The following UNKL variants were observed in gnomAD, a reference collection of about 807,000 sequenced individuals.
UNKL encodes the protein putative E3 ubiquitin-protein ligase UNKL.
A neutral mutation model predicts 78.0 loss-of-function variants in UNKL; 60 were observed. The ratio of observed to expected loss-of-function variants is 0.77; its 90% CI spans 0.63 to 0.95. UNKL has a LOEUF of 0.95. Ranked by LOEUF, UNKL falls within the 40% of genes least tolerant of loss-of-function variation. The pLI is 0.00. For synonymous variants in UNKL, 608 were observed against 474.8 expected (o/e 1.28, Z -3.65); for missense variants, 1,159 against 1,045.7 (o/e 1.11, Z -1.49).
intron 2 of UNKL, chr16:1,406,125 C>T (rs763852752): frequency 2.9e-5 from 13 of 448,828 alleles, no homozygotes; most frequent in Middle Eastern, 3.4e-4. Flanking sequence ...AGCTTAAGGA[C>T]GCAGGCATAG....
At chr16:1,391,427 G>A (rs1449962781) in intron 8 of UNKL, among the ~76,000 whole-genome samples, 1 of 151,766 alleles carries the variant, frequency 6.6e-6, no homozygotes, top group African/African-American at 2.4e-5. Context: ...CTCCCAAGAA[G>A]CTGTGAGCAC....
At chr16:1,375,861 A>G (rs1297224355) in intron 10 of UNKL, among the ~76,000 whole-genome samples, 1 of 152,180 alleles carries the variant, frequency 6.6e-6, no homozygotes, top group African/African-American at 2.4e-5. Flanking sequence ...CCTGGCCTGC[A>G]GGGTGGGCCA....
At position 1,365,173 on chromosome 16, in the gene UNKL, T is replaced by G. The variant is rs1226065383; in HGVS notation, c.*1067A>C. Reference sequence around the variant, plus strand: ...CACGCCAGGCCAATTTTTGTATTTTTACTAAGACGGGGTTGCACCATGTTG... The same window carrying G: ...CACGCCAGGCCAATTTTTGTATTTTGACTAAGACGGGGTTGCACCATGTTG... On this transcript the variant is annotated 3_prime_UTR_variant, in exon 15 of 15. Coordinates refer to ENST00000389221, the MANE Select transcript of UNKL (RefSeq NM_001372107.1). 2.0e-5 allele frequency: 3 copies of G among 152,244 alleles called. No homozygotes were observed. Among genetic ancestry groups the G allele is most frequent in the Non-Finnish European group, 4.4e-5 (3 of 68,040 alleles). 9.4% of individuals were successfully genotyped at this position (152,244 alleles called of 1,614,324 possible).
chr16:1,386,262 A>G (rs1347194590), intron 9 of UNKL, among the ~76,000 whole-genome samples: 1 of 152,002 alleles, frequency 6.6e-6, no homozygotes, highest in African/African-American at 2.4e-5. Context: ...TACAAAAAAA[A>G]TTAGCCAAGG....
chr16:1,367,895 T>C (rs2035442589), intron 12 of UNKL, 37 bp from the exon 13 acceptor site: 1 of 1,515,714 alleles, frequency 6.6e-7, no homozygotes, highest in Non-Finnish European at 8.9e-7. Flanking sequence ...CCAGCCCTGC[T>C]GTGCTCGCGG....
At chr16:1,411,884 G>C (rs2038055703) in intron 2 of UNKL, 1 of 152,210 alleles carries the variant, frequency 6.6e-6, no homozygotes, top group Non-Finnish European at 1.5e-5. Flanking sequence ...AGTATTTAAA[G>C]TTTCTAGCGT....
In UNKL at chr16:1,399,602, A is replaced by T; in HGVS notation, c.599-93T>A. Reference sequence around the variant, plus strand: ...GGTGGAAGGACCTGGCTGTCCCCCAAATGGAAGGGGCTGCAGGAGGACTTG... The same window carrying T: ...GGTGGAAGGACCTGGCTGTCCCCCATATGGAAGGGGCTGCAGGAGGACTTG... On this transcript the variant is annotated intron_variant, in intron 4 of 14. Transcript: ENST00000389221. This position sits in a 1 kb window ranked among gnomAD's most constrained non-coding sequence, Gnocchi z 5.8. 2 of 1,521,844 alleles carry T rather than the reference A, an allele frequency of 1.3e-6. No homozygotes were observed. The highest frequency in any genetic ancestry group is 8.8e-7 in the Non-Finnish European group (1 of 1,135,742). 94.3% of individuals were successfully genotyped at this position (1,521,844 alleles called of 1,614,324 possible). A position where few individuals can be genotyped will look rare whatever the true frequency, so the allele number is the denominator to read the frequency against.
chr16:1,380,666 G>A (rs1452602106), intron 10 of UNKL, among the ~76,000 whole-genome samples: 2 of 132,358 alleles, frequency 1.5e-5, no homozygotes, highest in Non-Finnish European at 3.1e-5. Context: ...TGAGTAGCTG[G>A]TTCAGGATTT....
At chr16:1,390,733 G>C (rs1207866053) in intron 8 of UNKL, 39 bp from the exon 9 acceptor site, 2 of 1,533,926 alleles carry the variant, frequency 1.3e-6, no homozygotes, top group Admixed American at 3.9e-5. Context: ...AAAAAGCAGG[G>C]AGGAAATGTA....
intron 9 of UNKL, among the ~76,000 whole-genome samples, chr16:1,388,500 C>A (rs984776923): frequency 6.6e-6 from 1 of 152,048 alleles, no homozygotes; most frequent in Non-Finnish European, 1.5e-5. Context: ...CCCTGAGTGA[C>A]CCCCCAGACC....
intron 9 of UNKL, among the ~76,000 whole-genome samples, chr16:1,388,525 C>G (rs1443953399): frequency 2.0e-5 from 3 of 152,176 alleles, no homozygotes; most frequent in Non-Finnish European, 4.4e-5. Context: ...GCTGACCCTG[C>G]CCGGGAGCTG....
chr16:1,363,623 G>A lies in UNKL; in HGVS notation c.*2617C>T, dbSNP rs771445582. 1.0e-4 allele frequency: 20 copies of A among 197,478 alleles called. No homozygotes were observed. In the East Asian group the frequency reaches 2.2e-3, roughly 22 times the overall value. 12.2% of individuals were successfully genotyped at this position (197,478 alleles called of 1,614,324 possible). A position where few individuals can be genotyped will look rare whatever the true frequency, so the allele number is the denominator to read the frequency against. ...GCCACAGGGGGGAGCTGCTGGGCGC[G>A]CCTCCACCTCAGCCTCCACGGGGCA... On this transcript the variant is annotated 3_prime_UTR_variant, in exon 15 of 15. Transcript: ENST00000389221.
rs1164345739 is a variant in UNKL at position 1,408,270 on chromosome 16, CCA to C, written c.288-4928_288-4927del. ...GCCCACATGGGAGCTGCCCCCCCCC[CCA>C]ACGACCAGGACGGTTCCCACGGGGG... On this transcript the variant is annotated intron_variant, in intron 2 of 14. Coordinates refer to ENST00000389221, the MANE Select transcript of UNKL (RefSeq NM_001372107.1). Among the ~76,000 whole-genome samples the C allele has an allele frequency of 6.6e-5, 10 of 151,408 alleles. No individual in the cohort carries two copies. In the East Asian group the frequency reaches 7.7e-4, roughly 12 times the overall value.
At chr16:1,369,941 G>A (rs1183183862) in intron 12 of UNKL, 189 bp downstream of exon 12, 1 of 1,548,482 alleles carries the variant, frequency 6.5e-7, no homozygotes, top group African/African-American at 1.4e-5. Flanking sequence ...TACCATTGCA[G>A]TCCAACCTGG....
chr16:1,368,626 A>C (rs933373792), intron 12 of UNKL, among the ~76,000 whole-genome samples: 6 of 148,718 alleles, frequency 4.0e-5, no homozygotes, highest in Middle Eastern at 3.3e-3. Context: ...AAAAAAAAAA[A>C]AAAAAAAAAC....
intron 2 of UNKL, among the ~76,000 whole-genome samples, chr16:1,407,786 G>C (rs73490031): frequency 0.038 from 5,821 of 152,164 alleles, 342 homozygotes; most frequent in African/African-American, 0.13. Flanking sequence ...TTCTGAGAAC[G>C]AGACCCAGGG....
chr16:1,366,383 G>A lies in UNKL; in HGVS notation c.2059C>T (p.Leu687Phe). 1.9e-6 allele frequency: 3 copies of A among 1,592,910 alleles called. No homozygotes were observed. The highest frequency in any genetic ancestry group is 2.6e-6 in the Non-Finnish European group (3 of 1,167,418). Reference protein sequence around the residue: ...LEAVDGVIFQLRAKQCVACRE... With the variant: ...LEAVDGVIFQFRAKQCVACRE... ...CAGGCCACACACTGCTTGGCGCGGA[G>A]CTGGAAGATCACCTGCAGGGCCAGA... Residue 687 changes from leucine (L) to phenylalanine (F), a missense_variant, in exon 15 of 15, where the codon CTC becomes TTC. Physicochemically the swap from Leu to Phe is conservative, Grantham distance 22. Transcript: ENST00000389221.
Position 1,399,011 on chromosome 16 carries a change from C to A in UNKL, c.734+363G>T. On this transcript the variant is annotated intron_variant, in intron 5 of 14. Coordinates refer to ENST00000389221, the MANE Select transcript of UNKL (RefSeq NM_001372107.1). The surrounding 1 kb of genome is among the most constrained non-coding windows in gnomAD (Gnocchi z 5.8). Reference sequence around the variant, plus strand: ...CCTGGCAGCTTGGGTGAGGAGACAGCATGCAGCCCACAGGCTGGAGAGCGT... The same window carrying A: ...CCTGGCAGCTTGGGTGAGGAGACAGAATGCAGCCCACAGGCTGGAGAGCGT... 2 of 1,459,198 alleles carry A rather than the reference C, an allele frequency of 1.4e-6. No individual in the cohort carries two copies. The highest frequency in any genetic ancestry group is 9.1e-7 in the Non-Finnish European group (1 of 1,103,062). 90.4% of individuals were successfully genotyped at this position (1,459,198 alleles called of 1,614,324 possible). A position where few individuals can be genotyped will look rare whatever the true frequency, so the allele number is the denominator to read the frequency against.
intron 8 of UNKL, among the ~76,000 whole-genome samples, chr16:1,392,030 G>C (rs1056778534): frequency 5.3e-5 from 8 of 152,170 alleles, no homozygotes; most frequent in African/African-American, 1.7e-4. Context: ...CTCTGACCTT[G>C]GGTTGGTCCG....
Sources: allele counts gnomAD v4.1 joint callset (sites outside exome capture counted in the v4.1 genomes callset), GRCh38; gene constraint gnomAD v4.1.1; non-coding constraint Gnocchi (gnomAD v3.1); transcripts MANE v1.5; gene names NCBI Gene and HGNC (gene_info 2026-07-23, HGNC 2026-07-21).